The following TMEM245 variants were observed in gnomAD, a reference collection of about 807,000 sequenced individuals.
TMEM245 encodes the protein protein CG-2.
A neutral mutation model predicts 101.2 loss-of-function variants in TMEM245; 69 were observed. The observed-to-expected ratio is 0.68, with a 90% confidence interval of 0.56 to 0.83. The LOEUF (loss-of-function observed/expected upper bound fraction) is 0.83, where lower values mean the gene tolerates loss of function less well. Among genes scored for constraint, TMEM245 ranks in the 40% least tolerant of loss-of-function variants. TMEM245 has a pLI of 0.00. For missense variants in TMEM245, 1,075 were observed against 1,092.8 expected, an observed-to-expected ratio of 0.98 and a Z score of 0.23; for synonymous variants, 537 against 449.8, an observed-to-expected ratio of 1.19 and a Z score of -2.45.
chr9:109,020,598 C>T, intron 17 of TMEM245, 93 bp from the exon 18 acceptor site: 1 of 1,120,218 alleles, frequency 8.9e-7, no homozygotes, highest in Non-Finnish European at 1.3e-6. Flanking sequence ...ATTATATAGT[C>T]ACTATTTTTT....
chr9:109,099,931 G>GTACC (rs1830241557), intron 3 of TMEM245, among the ~76,000 whole-genome samples: 1 of 152,160 alleles, frequency 6.6e-6, no homozygotes, highest in South Asian at 2.1e-4. Flanking sequence ...GCTCGCCCTT[G>GTACC]TACCACGTGA....
chr9:109,093,378 G>A (rs940752394), intron 4 of TMEM245, 97 bp downstream of exon 4: 30 of 951,098 alleles, frequency 3.2e-5, no homozygotes, highest in Non-Finnish European at 4.3e-5. Flanking sequence ...ATCAGCAGGA[G>A]TAAGTAGCAT....
At chr9:109,047,880 C>G (rs958044579) in intron 14 of TMEM245, among the ~76,000 whole-genome samples, 1 of 152,128 alleles carries the variant, frequency 6.6e-6, no homozygotes, top group African/African-American at 2.4e-5. Context: ...ATAGCTTTAC[C>G]CCACTGGGAA....
chr9:109,061,453 A>G lies in TMEM245; in HGVS notation c.1624-1001T>C, dbSNP rs1388620732. Among the ~76,000 whole-genome samples, 3 of 152,184 alleles carry G rather than the reference A, an allele frequency of 2.0e-5. No homozygotes were observed. In the East Asian group the frequency reaches 5.8e-4, roughly 29 times the overall value. On this transcript the variant is annotated intron_variant, in intron 10 of 17. Transcript: ENST00000374586. ...GACAATTTAGAATTTTTTCTACTTC[A>G]TTATAAACATTCAATCTTTAGCCTT... is the stretch of plus-strand genomic sequence containing the variant.
Position 109,119,452 on chromosome 9 carries a change from G to A in TMEM245, c.462C>T (p.Ala154=), listed in dbSNP as rs1397063333. 10 of 1,501,942 alleles carry A rather than the reference G, an allele frequency of 6.7e-6. No homozygotes were observed. Among genetic ancestry groups the A allele is most frequent in the Non-Finnish European group, 7.9e-6 (9 of 1,133,488 alleles). The allele number at this position is 1,501,942 out of a possible 1,614,324, so 93.0% of individuals were successfully genotyped here. The change falls in exon 1 of 18, where the codon GCC becomes GCT. Residue 154 remains alanine, a synonymous_variant. Transcript: ENST00000374586. ...AGAGGCCGTACAGGAGCGGGCCGCC[G>A]GCGCCGAGCAGCAGGAGCAGGCGGC... is the stretch of plus-strand genomic sequence containing the variant. ...RRRRLLLLLG[A]GGPLLYGLYC...
At position 109,020,058 on chromosome 9, in the gene TMEM245, T is replaced by A. The variant is rs541117494; in HGVS notation, c.*402A>T. 1.3e-5 allele frequency: 2 copies of A among 155,472 alleles called. No homozygotes were observed. The highest frequency in any genetic ancestry group is 6.5e-5 in the Admixed American group (1 of 15,482). The allele number at this position is 155,472 out of a possible 1,614,324, so 9.6% of individuals were successfully genotyped here. A position where few individuals can be genotyped will look rare whatever the true frequency, so the allele number is the denominator to read the frequency against. ...TCTTAGAAAAGTTTAACAATACATT[T>A]CTTAAACCAGGAAAAAATTACACCA... On this transcript the variant is annotated 3_prime_UTR_variant, in exon 18 of 18. Transcript: ENST00000374586.
At chr9:109,021,009 G>A (rs1827604741) in intron 17 of TMEM245, among the ~76,000 whole-genome samples, 1 of 152,168 alleles carries the variant, frequency 6.6e-6, no homozygotes, top group Admixed American at 6.5e-5. Context: ...AAATGGGTTA[G>A]GTCTTTTCAT....
At chr9:109,039,966 T>G (rs12552449) in intron 14 of TMEM245, among the ~76,000 whole-genome samples, 8,537 of 152,196 alleles carry the variant, frequency 0.056, 376 homozygotes, top group Admixed American at 0.12. Flanking sequence ...AAAAATAAGT[T>G]GACATCAAAG....
At chr9:109,046,450 T>C (rs907159125) in intron 14 of TMEM245, among the ~76,000 whole-genome samples, 4 of 152,134 alleles carry the variant, frequency 2.6e-5, no homozygotes, top group Admixed American at 1.3e-4. Flanking sequence ...CAATTGCAAA[T>C]GTATTCAACT....
intron 7 of TMEM245, among the ~76,000 whole-genome samples, chr9:109,084,184 ATTGGT>A (rs998477982): frequency 7.8e-4 from 119 of 151,830 alleles, no homozygotes; most frequent in African/African-American, 2.8e-3. Flanking sequence ...CTTCTCTTGA[ATTGGT>A]TTCCTAATTC....
At position 109,018,716 on chromosome 9, in the gene TMEM245, C is replaced by T. The variant is rs779288362; in HGVS notation, c.*1744G>A. 2 of 151,462 alleles carry T rather than the reference C, an allele frequency of 1.3e-5. No homozygotes were observed. Among genetic ancestry groups the T allele is most frequent in the African/African-American group, 4.8e-5 (2 of 41,250 alleles). The allele number at this position is 151,462 out of a possible 1,614,324, so 9.4% of individuals were successfully genotyped here. On this transcript the variant is annotated 3_prime_UTR_variant, in exon 18 of 18. Coordinates refer to ENST00000374586, the MANE Select transcript of TMEM245 (RefSeq NM_032012.4). ...TACTTTCCAAAAAGGAAATCTTCAACGCTTAAGAACTACCCCCCAACACTT... is the reference window on the plus strand; with the variant it reads ...TACTTTCCAAAAAGGAAATCTTCAATGCTTAAGAACTACCCCCCAACACTT...
At chr9:109,045,151 G>A (rs541528462) in intron 14 of TMEM245, among the ~76,000 whole-genome samples, 1 of 152,318 alleles carries the variant, frequency 6.6e-6, no homozygotes, top group South Asian at 2.1e-4. Context: ...CTACAGTGCT[G>A]TAGAACATTA....
Position 109,119,550 on chromosome 9 carries a change from C to A in TMEM245, c.364G>T (p.Ala122Ser), listed in dbSNP as rs1157655731. The A allele has an allele frequency of 6.5e-7, 1 of 1,534,258 alleles. No individual in the cohort carries two copies. The change falls in exon 1 of 18, where the codon GCC becomes TCC. Residue 122 changes from alanine (A) to serine (S), a missense_variant. Coordinates refer to ENST00000374586, the MANE Select transcript of TMEM245 (RefSeq NM_032012.4). ...LHRAHTPIVL[A>S]ALLLPLCFVD... ...AAGCAGAGCGGCAGGAGCAGCGCGG[C>A]CAGGACGATGGGCGTGTGCGCGCGG...
chr9:109,096,116 G>C (rs1025003044), intron 3 of TMEM245, among the ~76,000 whole-genome samples: 1 of 152,208 alleles, frequency 6.6e-6, no homozygotes, highest in African/African-American at 2.4e-5. Context: ...GTTAGGTAGA[G>C]AATATATAGC....
intron 9 of TMEM245, among the ~76,000 whole-genome samples, chr9:109,068,643 AAAAC>A (rs1159001190): frequency 6.6e-6 from 1 of 152,122 alleles, no homozygotes; most frequent in Admixed American, 6.6e-5. Context: ...TGTCAAAACA[AAAAC>A]AAAAACAAAA....
intron 17 of TMEM245, among the ~76,000 whole-genome samples, chr9:109,031,702 G>GA (rs1340778197): frequency 6.6e-6 from 1 of 152,088 alleles, no homozygotes; most frequent in African/African-American, 2.4e-5. Flanking sequence ...GTGAGTACAT[G>GA]AAAAAATCAA....
At chr9:109,060,575 T>C (rs1828983506) in intron 10 of TMEM245, 123 bp from the exon 11 acceptor site, 6 of 628,952 alleles carry the variant, frequency 9.5e-6, no homozygotes, top group Admixed American at 3.1e-5. Flanking sequence ...TATTTATCTC[T>C]AGCCATATTA....
intron 5 of TMEM245, among the ~76,000 whole-genome samples, chr9:109,088,382 G>A (rs1392847979): frequency 2.6e-5 from 4 of 152,160 alleles, no homozygotes; most frequent in African/African-American, 7.2e-5. Flanking sequence ...ACAGCCTGCT[G>A]TCCCAAGATC....
In TMEM245 at chr9:109,020,524, G is replaced by C; in HGVS notation, c.2595-19C>G. 6.2e-7 allele frequency: 1 copy of C among 1,610,076 alleles called. No homozygotes were observed. Among genetic ancestry groups the C allele is most frequent in the Non-Finnish European group, 8.5e-7 (1 of 1,176,580 alleles). On this transcript the variant is annotated intron_variant, in intron 17 of 17. Transcript: ENST00000374586. ...GAAAGTCCTAAAAGAAAAAAAGACG[G>C]AATGATTAGTTGATTACCATAAAAC...
Sources: allele counts gnomAD v4.1 joint callset (sites outside exome capture counted in the v4.1 genomes callset), GRCh38; gene constraint gnomAD v4.1.1; transcripts MANE v1.5; gene names NCBI Gene and HGNC (gene_info 2026-07-23, HGNC 2026-07-21).